Variants in CPEB3 observed in about 807,000 individuals in gnomAD.
CPEB3 encodes the protein cytoplasmic polyadenylation element binding protein 3, also known as cytoplasmic polyadenylation element-binding protein 3.
CPEB3 carries 20 observed loss-of-function variants against 67.2 expected under a neutral mutation model. That is an observed-to-expected ratio of 0.30 (90% confidence interval 0.21 to 0.43). CPEB3 has a LOEUF of 0.43. CPEB3 is among the 20% of genes least tolerant of loss of function. The pLI is 1.00. For missense variants in CPEB3, 746 were observed against 968.6 expected, an observed-to-expected ratio of 0.77 and a Z score of 3.05; for synonymous variants, 376 against 393.1, an observed-to-expected ratio of 0.96 and a Z score of 0.51.
At chr10:92,145,618 A>G (rs1324154502) in intron 4 of CPEB3, among the ~76,000 whole-genome samples, 1 of 151,112 alleles carries the variant, frequency 6.6e-6, no homozygotes, top group Admixed American at 6.6e-5. Context: ...CTGAGCAACA[A>G]GAGTAAAACT....
chr10:92,227,615 C>T (rs1394155498), intron 2 of CPEB3, among the ~76,000 whole-genome samples: 1 of 149,276 alleles, frequency 6.7e-6, no homozygotes, highest in Non-Finnish European at 1.5e-5. Flanking sequence ...TTTTTTGAGA[C>T]GGAGTCTCCC....
At chr10:92,088,078 A>G (rs1460176441) in intron 8 of CPEB3, among the ~76,000 whole-genome samples, 1 of 152,200 alleles carries the variant, frequency 6.6e-6, no homozygotes, top group African/African-American at 2.4e-5. Context: ...TGATGAAAGG[A>G]AGAGACAGTA....
chr10:92,094,807 T>TCA (rs1843781161), intron 7 of CPEB3, among the ~76,000 whole-genome samples: 4 of 116,940 alleles, frequency 3.4e-5, no homozygotes, highest in African/African-American at 6.8e-5. Flanking sequence ...AAGATTCTAA[T>TCA]GACACACACA....
At chr10:92,190,529 G>A (rs941466604) in intron 3 of CPEB3, among the ~76,000 whole-genome samples, 1 of 151,716 alleles carries the variant, frequency 6.6e-6, no homozygotes, top group African/African-American at 2.4e-5. Flanking sequence ...GCTGGGTGTA[G>A]TGGCACATGC....
chr10:92,091,337 T>C (rs1164777420), intron 8 of CPEB3, among the ~76,000 whole-genome samples: 1 of 152,196 alleles, frequency 6.6e-6, no homozygotes, highest in Non-Finnish European at 1.5e-5. Flanking sequence ...GTACAGCTGA[T>C]TGGATTTGTC....
At chr10:92,097,683 A>C (rs58832527) in intron 7 of CPEB3, among the ~76,000 whole-genome samples, 2,160 of 152,286 alleles carry the variant, frequency 0.014, 47 homozygotes, top group African/African-American at 0.048. Context: ...TAATATCAAC[A>C]GTTAGTAGTG....
chr10:92,087,007 G>C (rs1003621500), intron 8 of CPEB3, among the ~76,000 whole-genome samples: 3 of 152,142 alleles, frequency 2.0e-5, no homozygotes, highest in Admixed American at 6.5e-5. Context: ...TTCTACTGTT[G>C]AAAAACTTGA....
At position 92,076,647 on chromosome 10, in the gene CPEB3, C is replaced by T. The variant is rs774491986; in HGVS notation, c.1869+4673G>A. Among the ~76,000 whole-genome samples, 7 of 152,204 alleles carry T rather than the reference C, an allele frequency of 4.6e-5. No individual in the cohort carries two copies. The Middle Eastern group carries it at 0.014, about 296-fold the overall frequency. ...CAGGTTGGTCTCGAACTTCTGGGCT[C>T]AAGTGCTCCTCCCACTTTGGCCTCC... is the stretch of plus-strand genomic sequence containing the variant. On this transcript the variant is annotated intron_variant, in intron 9 of 9. Coordinates refer to ENST00000265997, the MANE Select transcript of CPEB3 (RefSeq NM_014912.5).
chr10:92,260,701 T>C (rs1852757857), intron 1 of CPEB3, among the ~76,000 whole-genome samples: 1 of 152,076 alleles, frequency 6.6e-6, no homozygotes, highest in African/African-American at 2.4e-5. Flanking sequence ...TTCCACCTCC[T>C]GGGCTCAAGC....
chr10:92,178,032 A>G (rs1848300394), intron 4 of CPEB3, among the ~76,000 whole-genome samples: 1 of 152,274 alleles, frequency 6.6e-6, no homozygotes, highest in South Asian at 2.1e-4. Flanking sequence ...AACTGTCTCA[A>G]TTTGCTATAA....
At chr10:92,165,584 C>T (rs183952687) in intron 4 of CPEB3, among the ~76,000 whole-genome samples, 92 of 152,124 alleles carry the variant, frequency 6.0e-4, no homozygotes, top group African/African-American at 2.1e-3. Flanking sequence ...CTGTAGCATG[C>T]AATGTTTAAG....
At chr10:92,135,041 G>C (rs1846025963) in intron 6 of CPEB3, among the ~76,000 whole-genome samples, 1 of 152,100 alleles carries the variant, frequency 6.6e-6, no homozygotes, top group Admixed American at 6.6e-5. Flanking sequence ...TTAAATGTTA[G>C]ACCTAAAACC....
intron 4 of CPEB3, among the ~76,000 whole-genome samples, chr10:92,168,253 T>A (rs1847836722): frequency 6.6e-6 from 1 of 152,220 alleles, no homozygotes; most frequent in Non-Finnish European, 1.5e-5. Context: ...AACATTCTGT[T>A]TCACTGCTTT....
chr10:92,168,218 G>T (rs1468712587), intron 4 of CPEB3, among the ~76,000 whole-genome samples: 1 of 152,144 alleles, frequency 6.6e-6, no homozygotes. Context: ...AATATATCCT[G>T]TATTCTCACC....
At chr10:92,170,420 A>T (rs1420662865) in intron 4 of CPEB3, among the ~76,000 whole-genome samples, 1 of 152,194 alleles carries the variant, frequency 6.6e-6, no homozygotes, top group African/African-American at 2.4e-5. Flanking sequence ...CTGGAAACAA[A>T]CCTCGGTAAA....
chr10:92,125,352 A>C (rs1439353060), intron 6 of CPEB3, among the ~76,000 whole-genome samples: 1 of 152,232 alleles, frequency 6.6e-6, no homozygotes, highest in Non-Finnish European at 1.5e-5. Context: ...TTTCAGAGCC[A>C]GATGGCCAAA....
intron 2 of CPEB3, among the ~76,000 whole-genome samples, chr10:92,229,794 C>T (rs1310675793): frequency 6.6e-6 from 1 of 152,190 alleles, no homozygotes; most frequent in East Asian, 1.9e-4. Context: ...CCTATAATCC[C>T]AACACTTTGG....
intron 4 of CPEB3, among the ~76,000 whole-genome samples, chr10:92,146,150 A>G (rs933056591): frequency 6.6e-6 from 1 of 152,214 alleles, no homozygotes; most frequent in Non-Finnish European, 1.5e-5. Context: ...CATTAATTCT[A>G]TAGCCAAATA....
chr10:92,226,260 A>G (rs1390986823), intron 2 of CPEB3, among the ~76,000 whole-genome samples: 2 of 152,208 alleles, frequency 1.3e-5, no homozygotes, highest in Non-Finnish European at 1.5e-5. Flanking sequence ...CCACACACAA[A>G]TTTAATCATT....
Sources: allele counts gnomAD v4.1 joint callset (sites outside exome capture counted in the v4.1 genomes callset), GRCh38; gene constraint gnomAD v4.1.1; transcripts MANE v1.5; gene names NCBI Gene and HGNC (gene_info 2026-07-23, HGNC 2026-07-21).